Variants in GLT1D1 observed in about 807,000 individuals in gnomAD.
The protein encoded by GLT1D1 is glycosyltransferase 1 domain containing 1, also known as glycosyltransferase 1 domain-containing protein 1.
A neutral mutation model predicts 28.7 loss-of-function variants in GLT1D1; 21 were observed. The observed-to-expected ratio is 0.73, with a 90% CI of 0.52 to 1.05. The LOEUF (loss-of-function observed/expected upper bound fraction) is 1.05. GLT1D1 is among the 50% of genes least tolerant of loss of function. GLT1D1 has a pLI of 0.00. For synonymous variants in GLT1D1, 147 were observed against 124.8 expected (o/e 1.18, Z -1.19); for missense variants, 343 against 330.6 (o/e 1.04, Z -0.29).
chr12:128,874,158 C>G (rs866256728), intron 1 of GLT1D1, among the ~76,000 whole-genome samples: 3 of 94,796 alleles, frequency 3.2e-5, no homozygotes, highest in South Asian at 3.8e-4. Flanking sequence ...TTCTTTCTTT[C>G]TTTCTTTCTT....
At chr12:128,941,372 A>G (rs918395690) in intron 4 of GLT1D1, among the ~76,000 whole-genome samples, 6 of 152,192 alleles carry the variant, frequency 3.9e-5, no homozygotes, top group African/African-American at 1.4e-4. Context: ...ATCCTTCTGC[A>G]TCATTTAAGC....
intron 4 of GLT1D1, among the ~76,000 whole-genome samples, chr12:128,935,955 G>T (rs1874510659): frequency 1.3e-5 from 2 of 152,094 alleles, no homozygotes; most frequent in Non-Finnish European, 2.9e-5. Context: ...CACGCATGTC[G>T]TGGATTCTGG....
chr12:128,905,935 G>A (rs1447469875), intron 4 of GLT1D1, among the ~76,000 whole-genome samples: 1 of 151,242 alleles, frequency 6.6e-6, no homozygotes, highest in Non-Finnish European at 1.5e-5. Context: ...GGGCTCAGAC[G>A]ATCCTCTCCC....
intron 4 of GLT1D1, among the ~76,000 whole-genome samples, chr12:128,917,710 CAT>C (rs1872242223): frequency 6.6e-6 from 1 of 152,290 alleles, no homozygotes; most frequent in East Asian, 1.9e-4. Context: ...AGCCAAAAAA[CAT>C]ATGAAAAAAG....
intron 7 of GLT1D1, among the ~76,000 whole-genome samples, chr12:128,973,592 T>G (rs1369960530): frequency 6.6e-6 from 1 of 151,874 alleles, no homozygotes; most frequent in Non-Finnish European, 1.5e-5. Flanking sequence ...TTCCTCCTGC[T>G]CTAACCCGCC....
chr12:128,927,076 GT>G, intron 4 of GLT1D1, 28 bp from the exon 8 acceptor site: 3 of 1,524,906 alleles, frequency 2.0e-6, no homozygotes, highest in Non-Finnish European at 2.6e-6. Flanking sequence ...CATTTGAAGT[GT>G]TTTTTTGTCT....
intron 4 of GLT1D1, 97 bp from the exon 9 acceptor site, chr12:128,945,229 C>T (rs1178000842): frequency 2.1e-5 from 27 of 1,265,010 alleles, no homozygotes; most frequent in South Asian, 4.8e-5. Context: ...AGGCCCACGC[C>T]GCGCTGGCAC....
intron 4 of GLT1D1, among the ~76,000 whole-genome samples, chr12:128,902,767 G>A (rs1405999054): frequency 6.6e-6 from 1 of 151,596 alleles, no homozygotes; most frequent in African/African-American, 2.4e-5. Flanking sequence ...ATAATTGCCA[G>A]GCGCAGTGGC....
chr12:128,971,952 G>C (rs980401561), intron 7 of GLT1D1, among the ~76,000 whole-genome samples: 1 of 146,536 alleles, frequency 6.8e-6, no homozygotes, highest in South Asian at 2.2e-4. Context: ...GAGTTTTGCC[G>C]GGAGAATCCA....
At chr12:128,932,762 G>A (rs751486231) in intron 4 of GLT1D1, among the ~76,000 whole-genome samples, 32 of 152,124 alleles carry the variant, frequency 2.1e-4, no homozygotes, top group Non-Finnish European at 4.3e-4. Context: ...CTTTAGCAGA[G>A]GCGAAGGCTC....
intron 4 of GLT1D1, among the ~76,000 whole-genome samples, chr12:128,910,523 C>T (rs1317012811): frequency 3.9e-5 from 6 of 151,964 alleles, no homozygotes; most frequent in Admixed American, 6.6e-5. Flanking sequence ...TGTTGCCAGG[C>T]GAGTGTTTTG....
intron 4 of GLT1D1, among the ~76,000 whole-genome samples, chr12:128,934,390 T>C (rs1189293575): frequency 2.6e-5 from 4 of 151,946 alleles, no homozygotes; most frequent in Admixed American, 6.6e-5. Context: ...GACGGGGTTT[T>C]GCCATGTTGG....
At chr12:128,864,225 G>T in intron 1 of GLT1D1, 1 of 614,218 alleles carries the variant, frequency 1.6e-6, no homozygotes, top group South Asian at 1.8e-5. Context: ...CGGGCACTCC[G>T]AGAGGCTTCC....
At chr12:128,982,215 T>C (rs971537454) in intron 7 of GLT1D1, among the ~76,000 whole-genome samples, 2 of 152,088 alleles carry the variant, frequency 1.3e-5, no homozygotes, top group Admixed American at 1.3e-4. Flanking sequence ...CCCTCCCTTC[T>C]TCATGCTGGG....
rs76589236 is a variant in GLT1D1, at chr12:128,891,210, G to A, written c.323+2466G>A. On this transcript the variant is annotated intron_variant, in intron 3 of 7. Transcript: ENST00000281703. ...TCATATGAAAATTGTGAAAAAAAGC[G>A]GAAATTAAATCAAAAGAACTACCTA... Among the ~76,000 whole-genome samples, 547 of 151,858 alleles carry A rather than the reference G, an allele frequency of 3.6e-3. 8 individuals are homozygous for A. The East Asian group carries it at 0.042, about 12-fold the overall frequency.
At chr12:128,955,078 G>T (rs1372114155) in intron 6 of GLT1D1, among the ~76,000 whole-genome samples, 5 of 152,170 alleles carry the variant, frequency 3.3e-5, no homozygotes, top group Non-Finnish European at 7.3e-5. Context: ...GCTGGGGAAG[G>T]TTGAGATGTT....
chr12:128,879,659 G>T (rs1956990531), intron 2 of GLT1D1, among the ~76,000 whole-genome samples: 1 of 152,028 alleles, frequency 6.6e-6, no homozygotes, highest in East Asian at 1.9e-4. Context: ...CTTTCACTGT[G>T]TTGGCCAGGC....
chr12:128,893,225 A>G (rs901459928), intron 3 of GLT1D1, among the ~76,000 whole-genome samples: 3 of 152,204 alleles, frequency 2.0e-5, no homozygotes, highest in African/African-American at 7.2e-5. Flanking sequence ...AGCCTGGGTG[A>G]AAGAGGGAGA....
In GLT1D1 at chr12:128,884,161, A is replaced by G. The variant is rs1299902930; in HGVS notation, c.218-4478A>G. Among the ~76,000 whole-genome samples the G allele has an allele frequency of 3.9e-5, 6 of 152,312 alleles. No homozygotes were observed. The East Asian group carries it at 1.2e-3, about 29-fold the overall frequency. ...TCAAAACAGGCAGGACGGGGAATCAACCTGTGCCCATTGATGTTAAATGGA... is the reference window on the plus strand; with the variant it reads ...TCAAAACAGGCAGGACGGGGAATCAGCCTGTGCCCATTGATGTTAAATGGA... On this transcript the variant is annotated intron_variant, in intron 2 of 7. Transcript: ENST00000281703.
Sources: allele counts gnomAD v4.1 joint callset (sites outside exome capture counted in the v4.1 genomes callset), GRCh38; gene constraint gnomAD v4.1.1; transcripts MANE v1.5; gene names NCBI Gene and HGNC (gene_info 2026-07-23, HGNC 2026-07-21).